The following SLC30A3 variants were observed in gnomAD, a reference collection of about 807,000 sequenced individuals.
SLC30A3 encodes the protein probable proton-coupled zinc antiporter SLC30A3.
Under a neutral mutation model 35.6 loss-of-function variants are expected in SLC30A3, and 20 were observed. The ratio of observed to expected loss-of-function variants is 0.56; its 90% CI spans 0.39 to 0.82. The LOEUF (loss-of-function observed/expected upper bound fraction) is 0.82, where lower values mean the gene tolerates loss of function less well. SLC30A3 is among the 40% of genes least tolerant of loss of function. The pLI, the probability that SLC30A3 is intolerant of heterozygous loss-of-function variation, is 0.00. For synonymous variants in SLC30A3, 217 were observed against 224.7 expected (o/e 0.97, Z 0.31); for missense variants, 401 against 530.6 (o/e 0.76, Z 2.40).
chr2:27,270,248 A>G (rs757569649), intron 1 of SLC30A3, among the ~76,000 whole-genome samples: 2 of 152,216 alleles, frequency 1.3e-5, no homozygotes, highest in Non-Finnish European at 2.9e-5. Flanking sequence ...AGATCATTCT[A>G]TGAAGGCAAT....
intron 5 of SLC30A3, 30 bp from the exon 6 acceptor site, chr2:27,256,923 A>T: frequency 6.7e-7 from 1 of 1,499,356 alleles, no homozygotes; most frequent in Middle Eastern, 1.7e-4. Context: ...TAAGCCCAAC[A>T]ACCAGGGACC....
rs1194785578 is a variant in SLC30A3, at chr2:27,257,952, C to G, written c.531G>C (p.Gly177=). Residue 177 remains glycine, a synonymous_variant, in exon 4 of 8, where the codon GGG becomes GGC. Coordinates refer to ENST00000233535, the MANE Select transcript of SLC30A3 (RefSeq NM_003459.5). The surrounding 1 kb of genome is among the most constrained non-coding windows in gnomAD (Gnocchi z 4.7). ...RLLHSDYHIE[G]GAMLLTASIA... is the part of the protein sequence containing the mutation. ...TGCTGGCGGTCAGCAGCATGGCACC[C>G]CCCTCGATGTGGTAGTCGCTGTGCA... The G allele has an allele frequency of 6.2e-7, 1 of 1,614,180 alleles. No individual in the cohort carries two copies. Among genetic ancestry groups the G allele is most frequent in the South Asian group, 1.1e-5 (1 of 91,082 alleles).
In SLC30A3 at chr2:27,257,927, T is replaced by G; in HGVS notation, c.556A>C (p.Ile186Leu). The G allele has an allele frequency of 6.2e-7, 1 of 1,614,138 alleles. No individual in the cohort carries two copies. The highest frequency in any genetic ancestry group is 2.2e-5 in the East Asian group (1 of 44,886). The change falls in exon 4 of 8, where the codon ATC (isoleucine) becomes CTC (leucine). Residue 186 changes from isoleucine to leucine, a missense_variant. Coordinates refer to ENST00000233535, the MANE Select transcript of SLC30A3 (RefSeq NM_003459.5). The surrounding 1 kb of genome is among the most constrained non-coding windows in gnomAD (Gnocchi z 4.7). ...EGGAMLLTASIAVCANLLMAF... is the reference protein window; with the variant it reads ...EGGAMLLTASLAVCANLLMAF... Reference sequence around the variant, plus strand: ...TACAACAGGTTGGCACAGACTGCGATGCTGGCGGTCAGCAGCATGGCACCC... The same window carrying G: ...TACAACAGGTTGGCACAGACTGCGAGGCTGGCGGTCAGCAGCATGGCACCC...
At position 27,271,820 on chromosome 2, in the gene SLC30A3, T is replaced by C. The variant is rs567084303; in HGVS notation, c.-159+3357A>G. On this transcript the variant is annotated intron_variant, in intron 1 of 5. Coordinates refer to the SLC30A3 transcript ENST00000424577. The surrounding 1 kb of genome is among the most constrained non-coding windows in gnomAD (Gnocchi z 4.3). ...GCTTCCTGGCTGAAGTGACATTCTA[T>C]TCAGAGCAGAGCCTCGCAAGACTTA... Among the ~76,000 whole-genome samples, 1 of 152,244 alleles carries C rather than the reference T, an allele frequency of 6.6e-6. No homozygotes were observed. The highest frequency in any genetic ancestry group is 1.5e-5 in the Non-Finnish European group (1 of 68,046).
chr2:27,256,542 C>G (rs1293823440), intron 6 of SLC30A3, 22 bp from the exon 7 acceptor site: 2 of 1,613,824 alleles, frequency 1.2e-6, no homozygotes, highest in Non-Finnish European at 8.5e-7. Context: ...ACCAGTCATG[C>G]CTTACTGCTA....
At chr2:27,268,046 C>T (rs1677569029), upstream of SLC30A3, among the ~76,000 whole-genome samples, 1 of 152,060 alleles carries the variant, frequency 6.6e-6, no homozygotes, top group Non-Finnish European at 1.5e-5. Context: ...ATCTAACATA[C>T]TGCATATTTT....
In SLC30A3 at chr2:27,256,716, A is replaced by G; in HGVS notation, c.883+72T>C. 2.3e-6 allele frequency: 3 copies of G among 1,332,848 alleles called. No homozygotes were observed. The East Asian group carries it at 7.0e-5, about 31-fold the overall frequency. 82.6% of individuals were successfully genotyped at this position (1,332,848 alleles called of 1,614,324 possible). On this transcript the variant is annotated intron_variant, in intron 6 of 7. Coordinates refer to ENST00000233535, the MANE Select transcript of SLC30A3 (RefSeq NM_003459.5). ...TCTTCCCGTACTATCTTCAAAGAAAAAAGTGATGGCCCACTGCGAGAGTAA... is the reference window on the plus strand; with the variant it reads ...TCTTCCCGTACTATCTTCAAAGAAAGAAGTGATGGCCCACTGCGAGAGTAA...
chr2:27,261,063 A>T (rs1353068308), intron 1 of SLC30A3, among the ~76,000 whole-genome samples: 1 of 152,208 alleles, frequency 6.6e-6, no homozygotes, highest in Non-Finnish European at 1.5e-5. Flanking sequence ...GCGGGCTCGG[A>T]GAACTTCACA....
chr2:27,258,537 A>T lies in SLC30A3; in HGVS notation c.277+216T>A. 1.1e-5 allele frequency: 7 copies of T among 661,328 alleles called. No homozygotes were observed. In the South Asian group the frequency reaches 1.5e-4, roughly 14 times the overall value. 41.0% of individuals were successfully genotyped at this position (661,328 alleles called of 1,614,324 possible). A position where few individuals can be genotyped will look rare whatever the true frequency, so the allele number is the denominator to read the frequency against. The stretch of plus-strand genomic sequence containing the variant: ...ACAAGAAAATAGGGTTTTTAAAAGA[A>T]GTCAGCCCTGACCTACTGGCCCCGG... On this transcript the variant is annotated intron_variant, in intron 2 of 7. Transcript: ENST00000233535. This position sits in a 1 kb window ranked among gnomAD's most constrained non-coding sequence, Gnocchi z 4.0.
At chr2:27,272,196 GTTA>G (rs1251207929) in intron 1 of SLC30A3, among the ~76,000 whole-genome samples, 1 of 152,174 alleles carries the variant, frequency 6.6e-6, no homozygotes, top group East Asian at 1.9e-4. Flanking sequence ...TCAGGATCAC[GTTA>G]TTATCTCCCC....
At chr2:27,256,229 T>C in intron 7 of SLC30A3, 157 bp downstream of exon 7, 1 of 796,312 alleles carries the variant, frequency 1.3e-6, no homozygotes, top group South Asian at 1.7e-5. Flanking sequence ...CACGTGCATG[T>C]GTGTGTGTGT....
chr2:27,269,211 T>TC (rs1180214114), intron 1 of SLC30A3, among the ~76,000 whole-genome samples: 3 of 124,408 alleles, frequency 2.4e-5, no homozygotes, highest in Admixed American at 1.5e-4. Flanking sequence ...TTTCTTTCTT[T>TC]TTTTTTTTTT....
rs1677298652 is a variant in SLC30A3, at chr2:27,262,966, G to A, written c.-60C>T. On this transcript the variant is annotated 5_prime_UTR_variant, in exon 1 of 8. Transcript: ENST00000233535. The surrounding 1 kb of genome is among the most constrained non-coding windows in gnomAD (Gnocchi z 7.5). ...GGAAGAGAGAGGCCGGGCCGGCCCC[G>A]CGCCAAGTCCGAGCAGCCCGCCGAC... is the stretch of plus-strand genomic sequence containing the variant. 1 of 1,450,378 alleles carries A rather than the reference G, an allele frequency of 6.9e-7. No individual in the cohort carries two copies. Among genetic ancestry groups the A allele is most frequent in the Non-Finnish European group, 9.0e-7 (1 of 1,110,650 alleles). 89.8% of individuals were successfully genotyped at this position (1,450,378 alleles called of 1,614,324 possible). A position where few individuals can be genotyped will look rare whatever the true frequency, so the allele number is the denominator to read the frequency against.
At chr2:27,273,641 G>T (rs1288076541) in intron 1 of SLC30A3, among the ~76,000 whole-genome samples, 1 of 151,972 alleles carries the variant, frequency 6.6e-6, no homozygotes, top group Non-Finnish European at 1.5e-5. Flanking sequence ...GACCAGGTGG[G>T]TAATGCAAAG....
chr2:27,255,655 C>T lies in SLC30A3; in HGVS notation c.1019-195G>A. 1.7e-6 allele frequency: 1 copy of T among 605,310 alleles called. No individual in the cohort carries two copies. Among genetic ancestry groups the T allele is most frequent in the Non-Finnish European group, 2.9e-6 (1 of 344,956 alleles). 37.5% of individuals were successfully genotyped at this position (605,310 alleles called of 1,614,324 possible). A position where few individuals can be genotyped will look rare whatever the true frequency, so the allele number is the denominator to read the frequency against. On this transcript the variant is annotated intron_variant, in intron 7 of 7. Coordinates refer to ENST00000233535, the MANE Select transcript of SLC30A3 (RefSeq NM_003459.5). This position sits in a 1 kb window ranked among gnomAD's most constrained non-coding sequence, Gnocchi z 5.2. Reference sequence around the variant, plus strand: ...GAGAGACTCACCCCAATCAACCATGCTAACACACTAAACTCTTTCCAGTCT... The same window carrying T: ...GAGAGACTCACCCCAATCAACCATGTTAACACACTAAACTCTTTCCAGTCT...
In SLC30A3 at chr2:27,262,985, C is replaced by T. The variant is rs948464391; in HGVS notation, c.-79G>A. The T allele has an allele frequency of 6.3e-6, 9 of 1,426,936 alleles. No homozygotes were observed. Among genetic ancestry groups the T allele is most frequent in the Middle Eastern group, 2.5e-4 (1 of 4,048 alleles). The allele number at this position is 1,426,936 out of a possible 1,614,324, so 88.4% of individuals were successfully genotyped here. ...GGCCCCGCGCCAAGTCCGAGCAGCCCGCCGACCCCCGGGATCCCCGCAGGG... is the reference window on the plus strand; with the variant it reads ...GGCCCCGCGCCAAGTCCGAGCAGCCTGCCGACCCCCGGGATCCCCGCAGGG... On this transcript the variant is annotated 5_prime_UTR_variant, in exon 1 of 8. Transcript: ENST00000233535. The surrounding 1 kb of genome is among the most constrained non-coding windows in gnomAD (Gnocchi z 7.5).
chr2:27,261,923 GAC>G (rs768322544), intron 1 of SLC30A3: 18 of 152,570 alleles, frequency 1.2e-4, no homozygotes, highest in Non-Finnish European at 2.2e-4. Flanking sequence ...CCACGTCAGA[GAC>G]AAAGGGAAAG....
Position 27,254,920 on chromosome 2 carries a change from C to G in SLC30A3, c.*392G>C. On this transcript the variant is annotated 3_prime_UTR_variant, in exon 8 of 8. Transcript: ENST00000233535. ...TGACCTCCCCCAGGCATAGGCACACCAACAGCACATAGACAGGCAGATGCC... is the reference window on the plus strand; with the variant it reads ...TGACCTCCCCCAGGCATAGGCACACGAACAGCACATAGACAGGCAGATGCC... 1 of 508,846 alleles carries G rather than the reference C, an allele frequency of 2.0e-6. No homozygotes were observed. The highest frequency in any genetic ancestry group is 3.1e-6 in the Non-Finnish European group (1 of 321,876). The allele number at this position is 508,846 out of a possible 1,614,324, so 31.5% of individuals were successfully genotyped here.
At position 27,256,518 on chromosome 2, in the gene SLC30A3, T is replaced by C. The variant is rs1676863519; in HGVS notation, c.886A>G (p.Thr296Ala). 1.9e-6 allele frequency: 3 copies of C among 1,613,528 alleles called. No homozygotes were observed. In the East Asian group the frequency reaches 6.7e-5, roughly 36 times the overall value. Residue 296 changes from threonine to alanine, a missense_variant and splice_region_variant, in exon 7 of 8, where the codon ACC (threonine) becomes GCC (alanine). Around this residue, in one of 3 missense-constraint regions of SLC30A3, gnomAD observed 296 missense variants for 392.6 expected, o/e 0.75. Coordinates refer to ENST00000233535, the MANE Select transcript of SLC30A3 (RefSeq NM_003459.5). ...RDVLRILMEGTPRNVGFEPVR... is the reference protein window; with the variant it reads ...RDVLRILMEGAPRNVGFEPVR... ...GGTTCGAACCCCACATTGCGGGGGG[T>C]ACCTGCAACCAGCACCAGTCATGCC...
Sources: gnomAD v4.1 joint callset for allele counts (sites outside exome capture counted in the v4.1 genomes callset) on GRCh38, gnomAD v4.1.1 for gene constraint, gnomAD v4.1.1 regional missense constraint, Gnocchi (gnomAD v3.1) non-coding constraint, MANE v1.5 for transcripts, NCBI Gene and HGNC (gene_info 2026-07-23, HGNC 2026-07-21) for gene names.